Variants in BCAS4 observed in about 807,000 individuals in gnomAD.
BCAS4 encodes the protein breast carcinoma-amplified sequence 4.
In BCAS4, 9 loss-of-function variants were observed where a neutral mutation model predicts 15.7. The ratio of observed to expected loss-of-function variants is 0.57; its 90% confidence interval spans 0.34 to 1.00. The LOEUF is 1.00. Ranked by LOEUF, BCAS4 falls within the 50% of genes least tolerant of loss-of-function variation. The pLI is 0.02. For missense variants in BCAS4, 225 were observed against 239.1 expected (o/e 0.94, Z 0.39); for synonymous variants, 101 against 99.5 (o/e 1.02, Z -0.09).
chr20:50,859,168 C>T (rs886976567), intron 4 of BCAS4, among the ~76,000 whole-genome samples: 1 of 152,094 alleles, frequency 6.6e-6, no homozygotes, highest in African/African-American at 2.4e-5. Flanking sequence ...GTCTGAACTC[C>T]TGGGCTCCAG....
At chr20:50,816,999 C>A (rs2088147743) in intron 1 of BCAS4, among the ~76,000 whole-genome samples, 1 of 151,540 alleles carries the variant, frequency 6.6e-6, no homozygotes, top group Non-Finnish European at 1.5e-5. Flanking sequence ...GAGATGGGGT[C>A]ACCACATTGT....
At chr20:50,873,675 G>A (rs6096140) in intron 4 of BCAS4, among the ~76,000 whole-genome samples, 3,723 of 152,280 alleles carry the variant, frequency 0.024, 152 homozygotes, top group African/African-American at 0.085. Context: ...TCAGGGGGAC[G>A]TGTGTCCACT....
chr20:50,804,455 A>G (rs1009955376), intron 1 of BCAS4, among the ~76,000 whole-genome samples: 1 of 152,244 alleles, frequency 6.6e-6, no homozygotes, highest in African/African-American at 2.4e-5. Flanking sequence ...ACTTTAGGTA[A>G]CCATTCCTCT....
rs372798532 is a variant in BCAS4, at chr20:50,855,006, G to A, written c.399+13106G>A. 4.3e-3 allele frequency among the ~76,000 whole-genome samples: 648 copies of A among 152,262 alleles called. 6 individuals are homozygous for A. Among genetic ancestry groups the A allele is most frequent in the Middle Eastern group, 6.8e-3 (2 of 294 alleles). ...AGCACGCCGGTGCTCAGGGGTGGCC[G>A]GGTTCGTGGTGTGTCTCAAGCCATG... On this transcript the variant is annotated intron_variant, in intron 4 of 4. Coordinates refer to ENST00000371608, the MANE Select transcript of BCAS4 (RefSeq NM_198799.4).
chr20:50,856,008 G>C (rs60671669), intron 4 of BCAS4, among the ~76,000 whole-genome samples: 1 of 152,220 alleles, frequency 6.6e-6, no homozygotes, highest in Non-Finnish European at 1.5e-5. Context: ...AAAGGCCTGC[G>C]GGAGGGAAGA....
chr20:50,795,003 ACC>A (rs2087832511), upstream of BCAS4: 9 of 1,347,576 alleles, frequency 6.7e-6, no homozygotes, highest in African/African-American at 1.5e-5. Flanking sequence ...CATGCAGCGG[ACC>A]GGGGGCGGGG....
chr20:50,871,721 G>A (rs966941627), intron 4 of BCAS4, among the ~76,000 whole-genome samples: 2 of 152,182 alleles, frequency 1.3e-5, no homozygotes, highest in South Asian at 2.1e-4. Context: ...ATTCTCAGGC[G>A]GGCCCCTGGT....
chr20:50,845,432 C>T (rs548071077), intron 4 of BCAS4, among the ~76,000 whole-genome samples: 1 of 152,278 alleles, frequency 6.6e-6, no homozygotes, highest in South Asian at 2.1e-4. Context: ...CTTTCCTTGA[C>T]CCTGAAGGGC....
At chr20:50,808,590 G>A (rs959209337) in intron 1 of BCAS4, among the ~76,000 whole-genome samples, 3 of 152,138 alleles carry the variant, frequency 2.0e-5, no homozygotes, top group African/African-American at 7.2e-5. Flanking sequence ...GTTTGGATTT[G>A]CATTTCCTTG....
chr20:50,872,619 C>T (rs999870962), intron 4 of BCAS4, among the ~76,000 whole-genome samples: 6 of 152,092 alleles, frequency 3.9e-5, no homozygotes, highest in Non-Finnish European at 8.8e-5. Flanking sequence ...TGCTAGCACC[C>T]CAAGGGGAAA....
downstream of BCAS4, chr20:50,879,584 G>A (rs12480466): frequency 0.4 from 60,143 of 152,106 alleles, 12,299 homozygotes; most frequent in African/African-American, 0.5. Context: ...ACTCATTTCC[G>A]GAAGGGTGAG....
chr20:50,875,574 G>A (rs533118462), intron 4 of BCAS4, among the ~76,000 whole-genome samples: 80 of 137,296 alleles, frequency 5.8e-4, no homozygotes, highest in Middle Eastern at 4.2e-3. Flanking sequence ...AGACTAGCCT[G>A]ACCAACATGG....
intron 1 of BCAS4, among the ~76,000 whole-genome samples, chr20:50,816,791 A>ATTTTTTTTTTTTTTTTTTTTTTT (rs35600563): frequency 1.2e-5 from 1 of 80,898 alleles, no homozygotes; most frequent in African/African-American, 6.2e-5. Flanking sequence ...TGCCTGGCTA[A>ATTTTTTTTTTTTTTTTTTTTTTT]TTTTTTTTTT....
At chr20:50,817,855 G>C (rs1405130445) in intron 1 of BCAS4, among the ~76,000 whole-genome samples, 2 of 152,074 alleles carry the variant, frequency 1.3e-5, no homozygotes, top group Non-Finnish European at 2.9e-5. Context: ...TTGCCCCGCT[G>C]TTTGTTAACT....
chr20:50,810,951 G>A (rs2088054408), intron 1 of BCAS4, among the ~76,000 whole-genome samples: 1 of 152,174 alleles, frequency 6.6e-6, no homozygotes, highest in South Asian at 2.1e-4. Context: ...ATTGGGGCAG[G>A]AGGACCGGGA....
At position 50,830,139 on chromosome 20, in the gene BCAS4, C is replaced by A. The variant is rs1600867296; in HGVS notation, c.163-140C>A. ...TCCTCCCCTGGGGCTCTGAGTTGTT[C>A]TTGGGCCTGTATTGCGCAGGATGCC... On this transcript the variant is annotated intron_variant, in intron 2 of 4. Transcript: ENST00000371608. 7.4e-6 allele frequency: 5 copies of A among 671,956 alleles called. No homozygotes were observed. In the South Asian group the frequency reaches 9.2e-5, roughly 12 times the overall value. The allele number at this position is 671,956 out of a possible 1,614,324, so 41.6% of individuals were successfully genotyped here.
intron 4 of BCAS4, among the ~76,000 whole-genome samples, chr20:50,861,957 G>A (rs772319169): frequency 7.0e-6 from 1 of 142,634 alleles, no homozygotes; most frequent in Non-Finnish European, 1.5e-5. Context: ...AGACTCAAAC[G>A]ATCCTCCTGC....
intron 2 of BCAS4, among the ~76,000 whole-genome samples, chr20:50,820,890 G>T (rs1005689754): frequency 2.0e-5 from 3 of 152,026 alleles, no homozygotes; most frequent in African/African-American, 7.3e-5. Flanking sequence ...CAGATAATTT[G>T]ATGTTTCTGG....
intron 4 of BCAS4, among the ~76,000 whole-genome samples, chr20:50,855,411 G>A (rs1407117874): frequency 2.0e-5 from 3 of 152,062 alleles, no homozygotes; most frequent in Admixed American, 2.0e-4. Context: ...TCTCCTGCCT[G>A]TGTCTCTGTC....
Sources: allele counts gnomAD v4.1 joint callset (sites outside exome capture counted in the v4.1 genomes callset), GRCh38; gene constraint gnomAD v4.1.1; transcripts MANE v1.5; gene names NCBI Gene and HGNC (gene_info 2026-07-23, HGNC 2026-07-21).